The following SYNPO variants were observed in gnomAD, a reference collection of about 807,000 sequenced individuals.
SYNPO encodes the protein synaptopodin.
SYNPO carries 19 observed loss-of-function variants against 49.5 expected under a neutral mutation model. The observed-to-expected ratio is 0.38, with a 90% confidence interval of 0.27 to 0.56. The LOEUF is 0.56. SYNPO is among the 20% of genes least tolerant of loss of function. The probability of loss-of-function intolerance (pLI) is 0.68; values close to 1 mark genes in which losing one functional copy is unlikely to be tolerated. For synonymous variants in SYNPO, 536 were observed against 548.0 expected, an observed-to-expected ratio of 0.98 and a Z score of 0.31; for missense variants, 1,131 against 1,248.3, an observed-to-expected ratio of 0.91 and a Z score of 1.42.
At chr5:150,618,793 G>T (rs1380680584) in intron 2 of SYNPO, 64 of 1,550,628 alleles carry the variant, frequency 4.1e-5, no homozygotes, top group Non-Finnish European at 5.0e-5. Context: ...TTTTCCCTTG[G>T]ACTACCAGAG....
chr5:150,630,878 A>C (rs1393973776), intron 2 of SYNPO, among the ~76,000 whole-genome samples: 1 of 152,214 alleles, frequency 6.6e-6, no homozygotes, highest in Non-Finnish European at 1.5e-5. Context: ...CTGGGCCTCA[A>C]ACATTGACAG....
intron 1 of SYNPO, among the ~76,000 whole-genome samples, chr5:150,605,819 GAC>G (rs1270292941): frequency 6.6e-6 from 1 of 151,020 alleles, no homozygotes; most frequent in African/African-American, 2.4e-5. Flanking sequence ...GACACGTACA[GAC>G]ACACACATAA....
At chr5:150,620,900 T>TCTTTCTTA in intron 2 of SYNPO, among the ~76,000 whole-genome samples, 1 of 31,660 alleles carries the variant, frequency 3.2e-5, no homozygotes, top group Non-Finnish European at 7.5e-5. Context: ...TCTTTTTTTC[T>TCTTTCTTA]CTTTCTTTCT....
At chr5:150,642,575 C>A (rs1047596848) in intron 1 of SYNPO, among the ~76,000 whole-genome samples, 2 of 151,680 alleles carry the variant, frequency 1.3e-5, no homozygotes, top group Non-Finnish European at 2.9e-5. Context: ...TGGGATATTG[C>A]CAGAGAGGGC....
chr5:150,596,185 G>C (rs1490365203), upstream of SYNPO, among the ~76,000 whole-genome samples: 1 of 152,120 alleles, frequency 6.6e-6, no homozygotes. Context: ...CCCTACTCCT[G>C]ACCTCCAAAT....
intron 1 of SYNPO, among the ~76,000 whole-genome samples, chr5:150,613,367 T>C (rs1370254181): frequency 2.0e-5 from 3 of 152,130 alleles, no homozygotes. Context: ...ATACATGCCC[T>C]AACCTCAGCC....
At chr5:150,608,181 C>A in intron 1 of SYNPO, among the ~76,000 whole-genome samples, 1 of 152,234 alleles carries the variant, frequency 6.6e-6, no homozygotes, top group East Asian at 1.9e-4. Context: ...TGGACTGAGG[C>A]CCCAAGCCCT....
At chr5:150,656,296 G>C (rs1758547364) in intron 2 of SYNPO, 108 bp from the exon 3 acceptor site, 2 of 911,444 alleles carry the variant, frequency 2.2e-6, no homozygotes, top group Admixed American at 3.1e-5. Flanking sequence ...TGGATCGGTG[G>C]CTTCCCTTCT....
chr5:150,657,156 A>C lies in SYNPO; in HGVS notation c.*69A>C. 1.3e-6 allele frequency: 2 copies of C among 1,484,432 alleles called. No homozygotes were observed. Among genetic ancestry groups the C allele is most frequent in the Non-Finnish European group, 1.8e-6 (2 of 1,106,746 alleles). The allele number at this position is 1,484,432 out of a possible 1,614,324, so 92.0% of individuals were successfully genotyped here. On this transcript the variant is annotated 3_prime_UTR_variant, in exon 3 of 3. Coordinates refer to ENST00000307662, the MANE Select transcript of SYNPO (RefSeq NM_007286.6). ...AGGCTCATTAGACCTGGGGGACCCA[A>C]AGGGTCTGGCCTCTTTGGGCAGCCC... is the stretch of plus-strand genomic sequence containing the variant.
chr5:150,616,542 A>C (rs1267496349), intron 1 of SYNPO, among the ~76,000 whole-genome samples: 1 of 152,036 alleles, frequency 6.6e-6, no homozygotes, highest in Non-Finnish European at 1.5e-5. Flanking sequence ...TTGCCTCCAC[A>C]AATGATTTCT....
At chr5:150,653,419 C>T (rs2151431214) in intron 2 of SYNPO, 1 of 152,378 alleles carries the variant, frequency 6.6e-6, no homozygotes, top group South Asian at 2.1e-4. Context: ...CCACCAAAGG[C>T]AGAAACAATG....
At chr5:150,588,430 C>A in the SYNPO span, among the ~76,000 whole-genome samples, 1 of 152,166 alleles carries the variant, frequency 6.6e-6, no homozygotes, top group Non-Finnish European at 1.5e-5. Flanking sequence ...GGGGGAACTT[C>A]CCCTCCCCCA....
chr5:150,629,718 T>G (rs1757476888), intron 2 of SYNPO, among the ~76,000 whole-genome samples: 1 of 152,154 alleles, frequency 6.6e-6, no homozygotes. Flanking sequence ...AAATGATTGT[T>G]TACTGTTATT....
chr5:150,649,580 A>G lies in SYNPO; in HGVS notation c.1305A>G (p.Ala435=), dbSNP rs528592627. ...CCTCCAACTTCCAGCAGGAGCCAGC[A>G]CCTCGTGACAGGGCCAGCCCCGCGG... is the stretch of plus-strand genomic sequence containing the variant. ...AEASNFQQEP[A]PRDRASPAAA... is the part of the protein sequence containing the mutation. Residue 435 remains alanine, a synonymous_variant, in exon 2 of 3, where the codon GCA becomes GCG. Coordinates refer to ENST00000307662, the MANE Select transcript of SYNPO (RefSeq NM_007286.6). 1.2e-6 allele frequency: 2 copies of G among 1,610,202 alleles called. No homozygotes were observed. Among genetic ancestry groups the G allele is most frequent in the East Asian group, 4.5e-5 (2 of 44,766 alleles).
At chr5:150,619,474 G>A (rs746731627) in intron 2 of SYNPO, among the ~76,000 whole-genome samples, 4 of 152,176 alleles carry the variant, frequency 2.6e-5, no homozygotes, top group Admixed American at 6.5e-5. Context: ...CAGTGTGCGC[G>A]GCACGGAAGG....
chr5:150,593,456 G>A, the SYNPO span, among the ~76,000 whole-genome samples: 1 of 152,120 alleles, frequency 6.6e-6, no homozygotes, highest in Non-Finnish European at 1.5e-5. Flanking sequence ...GAAGTGGCTT[G>A]GCCTATTTCT....
chr5:150,657,029 ATGGCAGCCTTCGGCTCAAGCG>A lies in SYNPO; in HGVS notation c.2664_2684del (p.Arg889_Leu895del). The A allele has an allele frequency of 1.2e-6, 2 of 1,600,334 alleles. No homozygotes were observed. Among genetic ancestry groups the A allele is most frequent in the South Asian group, 1.1e-5 (1 of 89,162 alleles). On this transcript the variant is annotated inframe_deletion, in exon 3 of 3. Transcript: ENST00000307662. ...TACAATATCTGTCCCCGCGGGTGGA[ATGGCAGCCTTCGGCTCAAGCG>A]TGGCAGCCTCCCCGCCGAGGCCTCC...
chr5:150,608,386 A>G (rs1328143352), intron 1 of SYNPO: 1 of 152,176 alleles, frequency 6.6e-6, no homozygotes, highest in East Asian at 1.9e-4. Flanking sequence ...TGGGTACCAC[A>G]TGAAGTGAAG....
At chr5:150,635,380 C>T (rs977885555) in intron 2 of SYNPO, among the ~76,000 whole-genome samples, 6 of 152,176 alleles carry the variant, frequency 3.9e-5, no homozygotes, top group East Asian at 1.9e-4. Context: ...ACTGAGAATG[C>T]GTGTATGTTG....
Sources: gnomAD v4.1 joint callset for allele counts (sites outside exome capture counted in the v4.1 genomes callset) on GRCh38, gnomAD v4.1.1 for gene constraint, MANE v1.5 for transcripts, NCBI Gene and HGNC (gene_info 2026-07-23, HGNC 2026-07-21) for gene names.